The following ZPBP variants were observed in gnomAD, a reference collection of about 807,000 sequenced individuals.
ZPBP encodes zona pellucida-binding protein 1.
In ZPBP, 26 loss-of-function variants were observed where a neutral mutation model predicts 44.8. The observed-to-expected ratio is 0.58, with a 90% confidence interval of 0.43 to 0.81. The LOEUF is 0.81. ZPBP is among the 30% of genes least tolerant of loss of function. ZPBP has a pLI of 0.00. For missense variants in ZPBP, 409 were observed against 434.0 expected (o/e 0.94, Z 0.51); for synonymous variants, 174 against 153.2 (o/e 1.14, Z -1.00).
intron 1 of ZPBP, chr7:49,914,202 C>G (rs1203753493): frequency 6.6e-6 from 1 of 152,242 alleles, no homozygotes; most frequent in Non-Finnish European, 1.5e-5. Context: ...CTCCATCAGG[C>G]ATGATGCAGT....
intron 4 of ZPBP, among the ~76,000 whole-genome samples, chr7:50,055,333 A>AT (rs1207346364): frequency 6.6e-6 from 1 of 152,224 alleles, no homozygotes; most frequent in Non-Finnish European, 1.5e-5. Context: ...TACAAAGATT[A>AT]AAGGAGCTAT....
chr7:50,081,329 G>T (rs1802340682), intron 3 of ZPBP, among the ~76,000 whole-genome samples: 1 of 151,614 alleles, frequency 6.6e-6, no homozygotes, highest in Non-Finnish European at 1.5e-5. Context: ...TTTTTGCAAG[G>T]CAAGAAACAA....
chr7:50,083,798 A>G (rs952802059), intron 2 of ZPBP, among the ~76,000 whole-genome samples: 11 of 152,022 alleles, frequency 7.2e-5, no homozygotes, highest in Admixed American at 1.3e-4. Context: ...ATGTAAACTT[A>G]GATTTATACC....
intron 6 of ZPBP, among the ~76,000 whole-genome samples, chr7:50,017,363 G>A (rs890126086): frequency 6.6e-6 from 1 of 152,136 alleles, no homozygotes; most frequent in African/African-American, 2.4e-5. Flanking sequence ...GCAGATCTCA[G>A]GTGGTAATAC....
At chr7:49,916,409 C>G (rs1246784417) in intron 1 of ZPBP, 1 of 152,140 alleles carries the variant, frequency 6.6e-6, no homozygotes, top group Admixed American at 6.6e-5. Context: ...GAGTATTAGC[C>G]ATTTTCAATG....
At chr7:50,077,833 A>C (rs1029693696) in intron 3 of ZPBP, among the ~76,000 whole-genome samples, 10 of 151,858 alleles carry the variant, frequency 6.6e-5, no homozygotes, top group African/African-American at 2.4e-4. Context: ...AACAGTTTGG[A>C]GGCTTCTCAA....
At chr7:49,932,593 G>A (rs982763212), downstream of ZPBP, among the ~76,000 whole-genome samples, 1 of 152,170 alleles carries the variant, frequency 6.6e-6, no homozygotes, top group Non-Finnish European at 1.5e-5. Flanking sequence ...AGGCTCATAG[G>A]CAGAAGGGAC....
At chr7:50,082,451 G>C (rs977003732) in intron 2 of ZPBP, among the ~76,000 whole-genome samples, 2 of 151,738 alleles carry the variant, frequency 1.3e-5, no homozygotes, top group African/African-American at 4.8e-5. Flanking sequence ...ATCCTGATAA[G>C]TAAGCAAAAA....
chr7:49,858,472 G>A (rs552932984), intron 2 of ZPBP, among the ~76,000 whole-genome samples: 11 of 149,282 alleles, frequency 7.4e-5, no homozygotes, highest in Non-Finnish European at 1.2e-4. Flanking sequence ...ACCAAACACC[G>A]CATGTTCTCA....
intron 5 of ZPBP, among the ~76,000 whole-genome samples, chr7:50,026,326 G>A (rs1584070519): frequency 1.3e-5 from 2 of 151,774 alleles, no homozygotes; most frequent in East Asian, 3.9e-4. Context: ...GAAGGGAAAA[G>A]CAGATAATAA....
intron 6 of ZPBP, among the ~76,000 whole-genome samples, chr7:50,006,386 T>C (rs144810907): frequency 1.4e-3 from 215 of 152,166 alleles, no homozygotes; most frequent in Admixed American, 3.3e-3. Flanking sequence ...CAAATATTTA[T>C]AATGTAAAAG....
intron 1 of ZPBP, among the ~76,000 whole-genome samples, chr7:49,923,654 T>A (rs2128748021): frequency 6.6e-6 from 1 of 152,258 alleles, no homozygotes; most frequent in Non-Finnish European, 1.5e-5. Flanking sequence ...TTTAGCCACA[T>A]CCCCACATTT....
chr7:49,921,315 G>A (rs1451426817), intron 1 of ZPBP: 1 of 152,194 alleles, frequency 6.6e-6, no homozygotes, highest in Admixed American at 6.5e-5. Context: ...TCCCTGGCCT[G>A]AGCCTTACTC....
intron 6 of ZPBP, among the ~76,000 whole-genome samples, chr7:50,012,754 C>T (rs1453997715): frequency 6.7e-6 from 1 of 149,088 alleles, no homozygotes; most frequent in African/African-American, 2.5e-5. Flanking sequence ...CCATTCTTGC[C>T]ACATCTATTC....
intron 6 of ZPBP, among the ~76,000 whole-genome samples, chr7:50,016,812 A>G (rs760406961): frequency 1.3e-5 from 2 of 152,184 alleles, no homozygotes; most frequent in Non-Finnish European, 1.5e-5. Flanking sequence ...AAACTGAGAG[A>G]AGAAAATTAA....
At chr7:49,856,649 C>T (rs1790428275) in intron 2 of ZPBP, among the ~76,000 whole-genome samples, 1 of 151,990 alleles carries the variant, frequency 6.6e-6, no homozygotes, top group Non-Finnish European at 1.5e-5. Flanking sequence ...CTCATGTTAC[C>T]ATCACCACAG....
chr7:50,042,825 C>T (rs1362651799), intron 4 of ZPBP, among the ~76,000 whole-genome samples: 4 of 152,186 alleles, frequency 2.6e-5, no homozygotes, highest in Admixed American at 1.3e-4. Context: ...ACAATATTAA[C>T]CTTAAATGTA....
chr7:49,854,556 G>T (rs1790335425), intron 2 of ZPBP, among the ~76,000 whole-genome samples: 2 of 152,128 alleles, frequency 1.3e-5, no homozygotes, highest in South Asian at 4.1e-4. Context: ...TTTTTGATGG[G>T]GTTGTTAGTT....
At chr7:50,028,228 G>C (rs145596377) in intron 5 of ZPBP, among the ~76,000 whole-genome samples, 1 of 151,844 alleles carries the variant, frequency 6.6e-6, no homozygotes, top group East Asian at 1.9e-4. Flanking sequence ...AAAGATTGTT[G>C]AACATATAAC....
Sources: allele counts gnomAD v4.1 joint callset (sites outside exome capture counted in the v4.1 genomes callset), GRCh38; gene constraint gnomAD v4.1.1; transcripts MANE v1.5; gene names NCBI Gene and HGNC (gene_info 2026-07-23, HGNC 2026-07-21).